Variants in KHDRBS2 observed in about 807,000 individuals in gnomAD.
KHDRBS2 encodes the protein KH RNA binding domain containing, signal transduction associated 2.
KHDRBS2 carries 26 observed loss-of-function variants against 44.3 expected under a neutral mutation model. The observed-to-expected ratio is 0.59, with a 90% confidence interval of 0.43 to 0.81. The LOEUF is 0.81. KHDRBS2 is among the 40% of genes least tolerant of loss of function. KHDRBS2 has a pLI of 0.00. For synonymous variants in KHDRBS2, 194 were observed against 151.1 expected (o/e 1.28, Z -2.08); for missense variants, 476 against 433.1 (o/e 1.10, Z -0.88).
chr6:61,786,122 G>A (rs1426258095), intron 6 of KHDRBS2, among the ~76,000 whole-genome samples: 3 of 151,994 alleles, frequency 2.0e-5, no homozygotes, highest in Admixed American at 1.3e-4. Context: ...TTTGAAAAGT[G>A]TAAACAATGC....
the KHDRBS2 span, among the ~76,000 whole-genome samples, chr6:61,603,335 T>G: frequency 6.6e-6 from 1 of 152,154 alleles, no homozygotes; most frequent in Admixed American, 6.5e-5. Flanking sequence ...AACCCATTAT[T>G]CTGTTCTGGA....
the KHDRBS2 span, among the ~76,000 whole-genome samples, chr6:61,568,422 GC>G: frequency 6.6e-6 from 1 of 152,106 alleles, no homozygotes; most frequent in Admixed American, 6.6e-5. Flanking sequence ...AAGAGACAGG[GC>G]TAATATGCAG....
At chr6:61,587,790 CTT>C in the KHDRBS2 span, among the ~76,000 whole-genome samples, 1 of 152,170 alleles carries the variant, frequency 6.6e-6, no homozygotes, top group Non-Finnish European at 1.5e-5. Flanking sequence ...CCGATTTCAT[CTT>C]TCTCTCAATG....
intron 6 of KHDRBS2, among the ~76,000 whole-genome samples, chr6:61,751,827 G>A (rs1321004776): frequency 6.6e-6 from 1 of 152,060 alleles, no homozygotes; most frequent in Non-Finnish European, 1.5e-5. Context: ...CAAGATGAAG[G>A]TGTCAAAGGT....
chr6:61,681,160 A>T, intron 8 of KHDRBS2, 100 bp from the exon 9 acceptor site: 1 of 783,252 alleles, frequency 1.3e-6, no homozygotes, highest in East Asian at 2.6e-5. Flanking sequence ...AAAACAAAAG[A>T]TCTCAACACC....
Position 61,767,641 on chromosome 6 carries a change from T to C in KHDRBS2, c.811-34877A>G, listed in dbSNP as rs142058470. 2.2e-4 allele frequency among the ~76,000 whole-genome samples: 34 copies of C among 152,296 alleles called. No homozygotes were observed. The East Asian group carries it at 6.4e-3, about 29-fold the overall frequency. On this transcript the variant is annotated intron_variant, in intron 6 of 8. Coordinates refer to ENST00000281156, the MANE Select transcript of KHDRBS2 (RefSeq NM_152688.4). Reference sequence around the variant, plus strand: ...CTTTTTATTTTTTGTGTATCTGCTATATGCTTTTCCACTGAGGTTACCATG... The same window carrying C: ...CTTTTTATTTTTTGTGTATCTGCTACATGCTTTTCCACTGAGGTTACCATG...
chr6:61,818,811 A>G (rs1045776758), intron 6 of KHDRBS2, among the ~76,000 whole-genome samples: 1 of 151,936 alleles, frequency 6.6e-6, no homozygotes, highest in African/African-American at 2.4e-5. Context: ...TAAGCATAAA[A>G]ATTATACCAA....
At chr6:61,881,083 G>A (rs1305077532) in intron 6 of KHDRBS2, among the ~76,000 whole-genome samples, 1 of 151,852 alleles carries the variant, frequency 6.6e-6, no homozygotes, top group East Asian at 1.9e-4. Context: ...GTGGGTATAT[G>A]TACTTGACAT....
chr6:61,586,070 C>T, the KHDRBS2 span, among the ~76,000 whole-genome samples: 1 of 152,180 alleles, frequency 6.6e-6, no homozygotes, highest in Non-Finnish European at 1.5e-5. Flanking sequence ...ATTTAGGTCA[C>T]AGTCACTTTG....
At chr6:61,719,854 T>C (rs1165802535) in intron 7 of KHDRBS2, among the ~76,000 whole-genome samples, 1 of 152,124 alleles carries the variant, frequency 6.6e-6, no homozygotes. Flanking sequence ...TGTATACATG[T>C]GCCATGTTGG....
At chr6:61,757,028 G>T (rs1199949657) in intron 6 of KHDRBS2, among the ~76,000 whole-genome samples, 1 of 152,116 alleles carries the variant, frequency 6.6e-6, no homozygotes, top group Non-Finnish European at 1.5e-5. Flanking sequence ...AGCTTCCTCC[G>T]CATTTTGATT....
At chr6:61,967,794 T>C (rs1770379270) in intron 4 of KHDRBS2, among the ~76,000 whole-genome samples, 1 of 151,292 alleles carries the variant, frequency 6.6e-6, no homozygotes, top group Non-Finnish European at 1.5e-5. Context: ...AAAATTTCCA[T>C]GAGAATCTCC....
intron 1 of KHDRBS2, among the ~76,000 whole-genome samples, chr6:62,185,802 G>A (rs1007902264): frequency 2.0e-5 from 3 of 151,902 alleles, no homozygotes; most frequent in Non-Finnish European, 4.4e-5. Flanking sequence ...ACCACTTCAA[G>A]GCTTGGCTTA....
intron 2 of KHDRBS2, among the ~76,000 whole-genome samples, chr6:62,149,694 G>T (rs1049640077): frequency 6.6e-6 from 1 of 152,148 alleles, no homozygotes; most frequent in Non-Finnish European, 1.5e-5. Context: ...GAATTTGACA[G>T]TCATTTTATA....
the KHDRBS2 span, among the ~76,000 whole-genome samples, chr6:61,582,149 G>C: frequency 3.3e-5 from 5 of 151,846 alleles, no homozygotes; most frequent in South Asian, 8.3e-4. Context: ...AGTGAAAATA[G>C]GGTGGTAATA....
chr6:61,919,121 T>C (rs973399215), intron 4 of KHDRBS2, among the ~76,000 whole-genome samples: 9 of 151,976 alleles, frequency 5.9e-5, no homozygotes, highest in African/African-American at 2.2e-4. Flanking sequence ...TTTACATTTA[T>C]GTGTGTCTAT....
chr6:61,776,089 T>C (rs1331521122), intron 6 of KHDRBS2, among the ~76,000 whole-genome samples: 1 of 152,218 alleles, frequency 6.6e-6, no homozygotes, highest in Non-Finnish European at 1.5e-5. Flanking sequence ...GCTAGCCATA[T>C]GTAGAAAGCT....
chr6:62,162,277 T>C (rs910853279), intron 2 of KHDRBS2, among the ~76,000 whole-genome samples: 1 of 152,088 alleles, frequency 6.6e-6, no homozygotes, highest in Non-Finnish European at 1.5e-5. Flanking sequence ...CTAGTGGCAA[T>C]GAACTCTCTC....
the KHDRBS2 span, among the ~76,000 whole-genome samples, chr6:61,560,295 G>A: frequency 5.2e-4 from 79 of 152,028 alleles, no homozygotes; most frequent in African/African-American, 1.9e-3. Flanking sequence ...GTCTTCTTTG[G>A]GTGTAGTCTG....
Sources: gnomAD v4.1 joint callset for allele counts (sites outside exome capture counted in the v4.1 genomes callset) on GRCh38, gnomAD v4.1.1 for gene constraint, MANE v1.5 for transcripts, NCBI Gene and HGNC (gene_info 2026-07-23, HGNC 2026-07-21) for gene names.